KHDRBS2: variants seen among roughly 807,000 people sequenced by gnomAD.
The protein encoded by KHDRBS2 is KH RNA binding domain containing, signal transduction associated 2.
Under a neutral mutation model 44.3 loss-of-function variants are expected in KHDRBS2, and 26 were observed. The ratio of observed to expected loss-of-function variants is 0.59; its 90% CI spans 0.43 to 0.81. KHDRBS2 has a LOEUF of 0.81. KHDRBS2 is among the 40% of genes least tolerant of loss of function. The pLI, the probability that KHDRBS2 is intolerant of heterozygous loss-of-function variation, is 0.00. For missense variants in KHDRBS2, 476 were observed against 433.1 expected, an observed-to-expected ratio of 1.10 and a Z score of -0.88; for synonymous variants, 194 against 151.1, an observed-to-expected ratio of 1.28 and a Z score of -2.08.
At chr6:61,726,111 G>T (rs1215268437) in intron 7 of KHDRBS2, among the ~76,000 whole-genome samples, 1 of 152,050 alleles carries the variant, frequency 6.6e-6, no homozygotes, top group Non-Finnish European at 1.5e-5. Context: ...TGATCCAGTT[G>T]GCTCCATCCC....
chr6:62,168,788 A>G (rs1246749743), intron 2 of KHDRBS2, among the ~76,000 whole-genome samples: 1 of 151,954 alleles, frequency 6.6e-6, no homozygotes, highest in Admixed American at 6.6e-5. Context: ...ATTAAACTCA[A>G]TACACATAGT....
chr6:61,653,287 A>G, the KHDRBS2 span, among the ~76,000 whole-genome samples: 1 of 152,148 alleles, frequency 6.6e-6, no homozygotes, highest in East Asian at 1.9e-4. Context: ...TACCTTATGT[A>G]TCAATGATAT....
chr6:62,008,856 C>T (rs1183435375), intron 3 of KHDRBS2, among the ~76,000 whole-genome samples: 2 of 152,188 alleles, frequency 1.3e-5, no homozygotes, highest in African/African-American at 4.8e-5. Flanking sequence ...GAGGCCTCCC[C>T]AGCCACGTGG....
intron 1 of KHDRBS2, among the ~76,000 whole-genome samples, chr6:62,218,259 C>A (rs1455606471): frequency 1.3e-5 from 2 of 151,926 alleles, no homozygotes; most frequent in Non-Finnish European, 2.9e-5. Flanking sequence ...AGCCTTAAAA[C>A]ACGATTAAAG....
Position 62,034,656 on chromosome 6 carries a change from A to G in KHDRBS2, c.336+13222T>C, listed in dbSNP as rs189721426. ...AAGAAACATATCTCAACATAATATAAGCCATGACAGACCCATGGCTAGTAT... is the reference window on the plus strand; with the variant it reads ...AAGAAACATATCTCAACATAATATAGGCCATGACAGACCCATGGCTAGTAT... On this transcript the variant is annotated intron_variant, in intron 3 of 8. Coordinates refer to ENST00000281156, the MANE Select transcript of KHDRBS2 (RefSeq NM_152688.4). 1.4e-3 allele frequency among the ~76,000 whole-genome samples: 198 copies of G among 146,390 alleles called. 1 individual carries two copies. Among genetic ancestry groups the G allele is most frequent in the African/African-American group, 4.6e-3 (188 of 40,736 alleles).
intron 2 of KHDRBS2, among the ~76,000 whole-genome samples, chr6:62,074,654 AAT>A (rs1795973395): frequency 6.6e-6 from 1 of 151,886 alleles, no homozygotes; most frequent in African/African-American, 2.4e-5. Flanking sequence ...GTTTTTAAAA[AAT>A]ATATATGTTA....
intron 5 of KHDRBS2, among the ~76,000 whole-genome samples, chr6:61,897,149 G>A (rs1183069264): frequency 6.6e-6 from 1 of 152,018 alleles, no homozygotes; most frequent in Non-Finnish European, 1.5e-5. Context: ...TTCTTAACTT[G>A]CCTGCATGTT....
At chr6:61,956,192 C>CAA (rs532891817) in intron 4 of KHDRBS2, among the ~76,000 whole-genome samples, 1 of 147,110 alleles carries the variant, frequency 6.8e-6, no homozygotes, top group African/African-American at 2.5e-5. Flanking sequence ...GACTCCTTGT[C>CAA]AAAAAAAAAC....
intron 6 of KHDRBS2, among the ~76,000 whole-genome samples, chr6:61,809,774 G>C (rs1787806583): frequency 1.3e-5 from 2 of 152,026 alleles, no homozygotes; most frequent in South Asian, 4.1e-4. Flanking sequence ...ATAACTTCAA[G>C]GCTATGAATA....
At chr6:61,968,669 A>G (rs935632013) in intron 4 of KHDRBS2, among the ~76,000 whole-genome samples, 15 of 152,020 alleles carry the variant, frequency 9.9e-5, no homozygotes, top group Non-Finnish European at 1.2e-4. Context: ...AATTACACAA[A>G]CCATGCCACC....
At chr6:62,080,438 C>G (rs1225465970) in intron 2 of KHDRBS2, among the ~76,000 whole-genome samples, 2 of 151,920 alleles carry the variant, frequency 1.3e-5, no homozygotes, top group Non-Finnish European at 2.9e-5. Context: ...AAAATGTAGC[C>G]CCTTTAATTA....
chr6:61,652,907 T>C, the KHDRBS2 span, among the ~76,000 whole-genome samples: 15 of 152,000 alleles, frequency 9.9e-5, no homozygotes, highest in Non-Finnish European at 1.8e-4. Context: ...TGAGGAGATA[T>C]AAAAGAAAAA....
the KHDRBS2 span, among the ~76,000 whole-genome samples, chr6:61,620,821 CTTTGGGATCTCCACA>C: frequency 6.6e-6 from 1 of 152,194 alleles, no homozygotes; most frequent in Non-Finnish European, 1.5e-5. Flanking sequence ...GCAATCTTTG[CTTTGGGATCTCCACA>C]GTGAAAGCTA....
chr6:61,898,300 T>G (rs1331659528), intron 5 of KHDRBS2, among the ~76,000 whole-genome samples: 1 of 151,924 alleles, frequency 6.6e-6, no homozygotes, highest in Non-Finnish European at 1.5e-5. Flanking sequence ...GTATGACCAA[T>G]CTTTAATTTT....
At chr6:62,278,644 A>G (rs1459360139) in intron 1 of KHDRBS2, among the ~76,000 whole-genome samples, 2 of 152,202 alleles carry the variant, frequency 1.3e-5, no homozygotes, top group African/African-American at 4.8e-5. Flanking sequence ...ACAGATAAAC[A>G]TAAGAAGACT....
intron 6 of KHDRBS2, among the ~76,000 whole-genome samples, chr6:61,856,212 C>A (rs1796127006): frequency 6.6e-6 from 1 of 152,124 alleles, no homozygotes; most frequent in Non-Finnish European, 1.5e-5. Flanking sequence ...TTTCCTGCCC[C>A]TTGTATTACA....
chr6:61,688,824 T>C (rs1767078985), intron 8 of KHDRBS2, among the ~76,000 whole-genome samples: 1 of 151,974 alleles, frequency 6.6e-6, no homozygotes, highest in Admixed American at 6.6e-5. Context: ...TCTTTGTCCC[T>C]GGTTACTGGG....
intron 2 of KHDRBS2, among the ~76,000 whole-genome samples, chr6:62,136,279 C>T (rs563943641): frequency 1.3e-5 from 2 of 152,184 alleles, no homozygotes; most frequent in South Asian, 4.1e-4. Context: ...ACAGTTTGTC[C>T]ACTCTTGGTC....
At chr6:62,001,919 G>T (rs924256078) in intron 3 of KHDRBS2, among the ~76,000 whole-genome samples, 4 of 152,086 alleles carry the variant, frequency 2.6e-5, no homozygotes, top group African/African-American at 9.7e-5. Flanking sequence ...CTGAAAGAAG[G>T]TTATTTGAGA....
Sources: allele counts gnomAD v4.1 joint callset (sites outside exome capture counted in the v4.1 genomes callset), GRCh38; gene constraint gnomAD v4.1.1; transcripts MANE v1.5; gene names NCBI Gene and HGNC (gene_info 2026-07-23, HGNC 2026-07-21).